Variants in SAXO1 observed in about 807,000 individuals in gnomAD.
The protein encoded by SAXO1 is stabilizer of axonemal microtubules 1.
SAXO1 carries 21 observed loss-of-function variants against 17.5 expected under a neutral mutation model. The ratio of observed to expected loss-of-function variants is 1.20; its 90% CI spans 0.85 to 1.72. The LOEUF (loss-of-function observed/expected upper bound fraction) is 1.72, where lower values mean the gene tolerates loss of function less well. Among genes scored for constraint, SAXO1 ranks in the 40% most tolerant of loss-of-function variants. The pLI is 0.00. For missense variants in SAXO1, 843 were observed against 596.0 expected (o/e 1.41, Z -4.32); for synonymous variants, 274 against 216.5 (o/e 1.27, Z -2.33).
At chr9:18,991,468 A>T (rs1461248312) in intron 1 of SAXO1, among the ~76,000 whole-genome samples, 3 of 152,208 alleles carry the variant, frequency 2.0e-5, no homozygotes, top group Non-Finnish European at 4.4e-5. Flanking sequence ...TCACAAGGAC[A>T]GAAAACCAAA....
chr9:19,036,672 G>A (rs986004151), upstream of SAXO1, among the ~76,000 whole-genome samples: 9 of 152,148 alleles, frequency 5.9e-5, no homozygotes, highest in South Asian at 2.1e-4. Flanking sequence ...GGGAATCTCC[G>A]CCTAGATTTC....
At chr9:18,979,855 G>T (rs959083911) in intron 1 of SAXO1, among the ~76,000 whole-genome samples, 3 of 152,116 alleles carry the variant, frequency 2.0e-5, no homozygotes, top group African/African-American at 7.2e-5. Context: ...TTTTTAAAAA[G>T]AGTCTAGAAG....
intron 1 of SAXO1, among the ~76,000 whole-genome samples, chr9:19,031,674 G>A (rs1238016775): frequency 3.3e-5 from 5 of 152,216 alleles, no homozygotes; most frequent in East Asian, 1.9e-4. Context: ...CAAGACCCAC[G>A]TTTGTACATG....
At chr9:19,035,305 T>C (rs573787535), upstream of SAXO1, among the ~76,000 whole-genome samples, 13 of 152,328 alleles carry the variant, frequency 8.5e-5, no homozygotes, top group African/African-American at 3.1e-4. Context: ...ATAAGTCTCA[T>C]GAGATCTGAC....
rs1462883208 is a variant in SAXO1, at chr9:19,049,126, A to C, written c.-158+83T>G. On this transcript the variant is annotated intron_variant, in intron 1 of 3. Transcript: ENST00000542071. This position sits in a 1 kb window ranked among gnomAD's most constrained non-coding sequence, Gnocchi z 5.4. ...ACCGGCCCGACACACCTCGCTCCTA[A>C]AGCCAGTTGCGGTGGTGGTGGCGGT... The C allele has an allele frequency of 6.5e-6, 1 of 152,892 alleles. No homozygotes were observed. Among genetic ancestry groups the C allele is most frequent in the Non-Finnish European group, 1.5e-5 (1 of 68,480 alleles). The allele number at this position is 152,892 out of a possible 1,614,324, so 9.5% of individuals were successfully genotyped here. A position where few individuals can be genotyped will look rare whatever the true frequency, so the allele number is the denominator to read the frequency against.
At chr9:18,984,898 A>C (rs2131828154) in intron 1 of SAXO1, among the ~76,000 whole-genome samples, 1 of 152,264 alleles carries the variant, frequency 6.6e-6, no homozygotes, top group Admixed American at 6.5e-5. Flanking sequence ...TATGCCCTTA[A>C]CTAAGCTTAA....
upstream of SAXO1, among the ~76,000 whole-genome samples, chr9:19,034,382 T>C (rs2061313705): frequency 6.6e-6 from 1 of 151,934 alleles, no homozygotes; most frequent in African/African-American, 2.4e-5. Flanking sequence ...CTAAGAATGG[T>C]TTTCATATTT....
intron 1 of SAXO1, among the ~76,000 whole-genome samples, chr9:19,030,056 G>A (rs1289108772): frequency 2.6e-5 from 4 of 152,180 alleles, no homozygotes; most frequent in African/African-American, 7.2e-5. Flanking sequence ...ATGAGAACAC[G>A]GAGCGGGGTT....
chr9:18,929,182 G>C, intron 3 of SAXO1, 127 bp from the exon 4 acceptor site: 12 of 1,025,516 alleles, frequency 1.2e-5, no homozygotes, highest in Non-Finnish European at 1.7e-5. Context: ...AAAGAACAGA[G>C]CACATCCCTG....
chr9:18,978,581 G>T (rs558272255), intron 1 of SAXO1, among the ~76,000 whole-genome samples: 3 of 152,328 alleles, frequency 2.0e-5, no homozygotes, highest in African/African-American at 7.2e-5. Context: ...TTGGTTTTCA[G>T]TCTGCAGCTG....
At chr9:19,044,410 C>A (rs1836153133) in intron 1 of SAXO1, among the ~76,000 whole-genome samples, 3 of 152,122 alleles carry the variant, frequency 2.0e-5, no homozygotes, top group Non-Finnish European at 2.9e-5. Flanking sequence ...AGAAAGCTGG[C>A]AGATTGAACA....
Position 18,999,628 on chromosome 9 carries a change from T to G in SAXO1, c.38+33243A>C, listed in dbSNP as rs575253787. On this transcript the variant is annotated intron_variant, in intron 1 of 3. Transcript: ENST00000380534. ...CCTGGCTGTCCCACCATCTGGGAAG[T>G]GAAGAGCCCCTCTGCCCGGCCGCCA... Among the ~76,000 whole-genome samples, 204 of 145,414 alleles carry G rather than the reference T, an allele frequency of 1.4e-3. 3 individuals carry two copies. Among genetic ancestry groups the G allele is most frequent in the African/African-American group, 5.2e-3 (198 of 38,396 alleles).
In SAXO1 at chr9:18,928,624, G is replaced by A. The variant is rs1299735157; in HGVS notation, c.853C>T (p.Arg285Trp). 23 of 1,614,002 alleles carry A rather than the reference G, an allele frequency of 1.4e-5. No individual in the cohort carries two copies. Among genetic ancestry groups the A allele is most frequent in the Middle Eastern group, 3.3e-4 (2 of 6,084 alleles). The change falls in exon 4 of 4, where the codon CGG becomes TGG. Residue 285 changes from arginine (R) to tryptophan (W), a missense_variant. Physicochemically the swap from Arg to Trp is moderately radical, Grantham distance 101. Coordinates refer to ENST00000380534, the MANE Select transcript of SAXO1 (RefSeq NM_153707.4). The stretch of plus-strand genomic sequence containing the variant: ...GTGATGGGAGCTTTGGAGAACATCC[G>A]GGGCATTGGCCAAGCTTGGTACTTA... The part of the protein sequence containing the change: ...RDKYQAWPMP[R>W]MFSKAPITYV...
In SAXO1 at chr9:19,023,849, G is replaced by A. The variant is rs559570560; in HGVS notation, c.38+9022C>T. ...AAGGAAAGGGAGGAAAGGAACGAAG[G>A]AACGAACAAAGGGGGCCAGGCACAG... On this transcript the variant is annotated intron_variant, in intron 1 of 3. Transcript: ENST00000380534. Among the ~76,000 whole-genome samples, 72 of 151,698 alleles carry A rather than the reference G, an allele frequency of 4.7e-4. 1 individual carries two copies. Among genetic ancestry groups the A allele is most frequent in the Admixed American group, 8.6e-4 (13 of 15,204 alleles).
chr9:18,962,026 G>A (rs928744001), intron 1 of SAXO1, among the ~76,000 whole-genome samples: 6 of 152,090 alleles, frequency 3.9e-5, no homozygotes, highest in African/African-American at 7.2e-5. Context: ...ATTCTGACTG[G>A]TGTGAGATGG....
intron 1 of SAXO1, 89 bp from the exon 2 acceptor site, chr9:18,951,026 C>G (rs931914721): frequency 7.6e-7 from 1 of 1,317,056 alleles, no homozygotes; most frequent in African/African-American, 1.5e-5. Context: ...GTGACTCAGA[C>G]TGTAAAATCA....
At chr9:18,953,139 AC>A (rs1832107545) in intron 1 of SAXO1, among the ~76,000 whole-genome samples, 1 of 152,226 alleles carries the variant, frequency 6.6e-6, no homozygotes, top group South Asian at 2.1e-4. Context: ...TACCAAAAAT[AC>A]CTCTGCATGT....
At chr9:18,933,107 A>G (rs1296891263) in intron 3 of SAXO1, among the ~76,000 whole-genome samples, 1 of 152,226 alleles carries the variant, frequency 6.6e-6, no homozygotes, top group Non-Finnish European at 1.5e-5. Context: ...CCTTGTTCTC[A>G]ATCTTAGGGG....
Position 19,009,096 on chromosome 9 carries a change from CA to C in SAXO1, c.38+23774del, listed in dbSNP as rs138279472. Among the ~76,000 whole-genome samples, 722 of 152,302 alleles carry C rather than the reference CA, an allele frequency of 4.7e-3. 3 individuals carry two copies. The highest frequency in any genetic ancestry group is 0.015 in the African/African-American group (629 of 41,560). ...TTTAATCAGTACCCCCACACAGCAA[CA>C]GCAGACAGAATTAAATCTGTCTTGC... On this transcript the variant is annotated intron_variant, in intron 1 of 3. Transcript: ENST00000380534.
Sources: allele counts gnomAD v4.1 joint callset (sites outside exome capture counted in the v4.1 genomes callset), GRCh38; gene constraint gnomAD v4.1.1; non-coding constraint Gnocchi (gnomAD v3.1); transcripts MANE v1.5; gene names NCBI Gene and HGNC (gene_info 2026-07-23, HGNC 2026-07-21).